The following SRBD1 variants were observed in gnomAD, a reference collection of about 807,000 sequenced individuals.
SRBD1 encodes S1 RNA-binding domain-containing protein 1.
In SRBD1, 88 loss-of-function variants were observed where a neutral mutation model predicts 115.3. That is an observed-to-expected ratio of 0.76 (90% CI 0.64 to 0.91). SRBD1 has a LOEUF of 0.91. Among genes scored for constraint, SRBD1 ranks in the 40% least tolerant of loss-of-function variants. The pLI is 0.00. For synonymous variants in SRBD1, 509 were observed against 407.7 expected, an observed-to-expected ratio of 1.25 and a Z score of -2.99; for missense variants, 1,385 against 1,177.4, an observed-to-expected ratio of 1.18 and a Z score of -2.58.
intron 14 of SRBD1, among the ~76,000 whole-genome samples, chr2:45,527,089 A>G (rs574437390): frequency 6.2e-4 from 94 of 151,972 alleles, no homozygotes; most frequent in African/African-American, 2.1e-3. Flanking sequence ...TTTATTTTTT[A>G]TATCTTCCAT....
At chr2:45,544,232 CAAAA>C (rs777800446) in intron 14 of SRBD1, among the ~76,000 whole-genome samples, 2 of 72,282 alleles carry the variant, frequency 2.8e-5, no homozygotes, top group African/African-American at 5.3e-5. Flanking sequence ...GACTCCGGCT[CAAAA>C]AAAAAAAAAA....
intron 20 of SRBD1, 65 bp downstream of exon 20, chr2:45,392,880 G>C (rs1450728338): frequency 7.1e-7 from 1 of 1,407,166 alleles, no homozygotes; most frequent in Non-Finnish European, 9.6e-7. Context: ...ATTGCTGTGA[G>C]GATCAAAGGA....
chr2:45,456,260 T>G (rs1034571933), intron 16 of SRBD1, among the ~76,000 whole-genome samples: 12 of 151,866 alleles, frequency 7.9e-5, no homozygotes, highest in African/African-American at 2.9e-4. Context: ...AATCAATATA[T>G]TCTATGTTTT....
intron 7 of SRBD1, among the ~76,000 whole-genome samples, chr2:45,577,947 A>G (rs1673230596): frequency 6.6e-6 from 1 of 152,190 alleles, no homozygotes; most frequent in Admixed American, 6.5e-5. Context: ...GTACAGTACT[A>G]CTGTAACTGT....
chr2:45,554,222 C>T (rs1672399681), intron 10 of SRBD1, among the ~76,000 whole-genome samples: 1 of 152,128 alleles, frequency 6.6e-6, no homozygotes, highest in African/African-American at 2.4e-5. Flanking sequence ...TCTTTCTCAA[C>T]CATGTGAGGA....
At chr2:45,412,652 T>C (rs1667637269) in intron 19 of SRBD1, among the ~76,000 whole-genome samples, 1 of 152,172 alleles carries the variant, frequency 6.6e-6, no homozygotes, top group African/African-American at 2.4e-5. Flanking sequence ...CTCAAAAACT[T>C]CCCCCATGTC....
At chr2:45,411,172 AG>A (rs1473919243) in intron 19 of SRBD1, among the ~76,000 whole-genome samples, 1 of 152,172 alleles carries the variant, frequency 6.6e-6, no homozygotes, top group African/African-American at 2.4e-5. Context: ...ACTAAATTAG[AG>A]GACACCCAGG....
chr2:45,416,038 G>C (rs926030038), intron 18 of SRBD1, among the ~76,000 whole-genome samples: 1 of 152,014 alleles, frequency 6.6e-6, no homozygotes, highest in African/African-American at 2.4e-5. Context: ...GGAAAACAAG[G>C]AGAGAAACAG....
At chr2:45,542,069 T>C (rs950227101) in intron 14 of SRBD1, among the ~76,000 whole-genome samples, 2 of 152,202 alleles carry the variant, frequency 1.3e-5, no homozygotes, top group Non-Finnish European at 2.9e-5. Flanking sequence ...CATGCATCCA[T>C]GGTGCATGGG....
intron 14 of SRBD1, among the ~76,000 whole-genome samples, chr2:45,502,934 C>T (rs1324871634): frequency 2.0e-5 from 3 of 152,182 alleles, no homozygotes; most frequent in Admixed American, 1.3e-4. Context: ...ATATTCTTGC[C>T]TTGGCCTGCC....
At chr2:45,462,967 A>C (rs1669365916) in intron 16 of SRBD1, among the ~76,000 whole-genome samples, 1 of 147,692 alleles carries the variant, frequency 6.8e-6, no homozygotes. Context: ...CGAATCCAGG[A>C]TAAGTAACTT....
chr2:45,414,820 T>TATGTACACACACATA (rs1392074881), intron 18 of SRBD1, among the ~76,000 whole-genome samples: 9 of 147,558 alleles, frequency 6.1e-5, no homozygotes, highest in African/African-American at 2.0e-4. Context: ...ACACATATAG[T>TATGTACACACACATA]GTGTATATAG....
intron 14 of SRBD1, among the ~76,000 whole-genome samples, chr2:45,510,762 A>G (rs1670941092): frequency 6.6e-6 from 1 of 152,210 alleles, no homozygotes; most frequent in African/African-American, 2.4e-5. Context: ...CCAATTAGTA[A>G]AGTCGGGCCT....
chr2:45,520,750 A>T (rs561052995), intron 14 of SRBD1, among the ~76,000 whole-genome samples: 1 of 152,200 alleles, frequency 6.6e-6, no homozygotes, highest in Admixed American at 6.5e-5. Context: ...AGAATCAGCC[A>T]CTGTACAGCC....
chr2:45,399,413 T>C (rs1667234120), intron 19 of SRBD1, among the ~76,000 whole-genome samples: 2 of 152,102 alleles, frequency 1.3e-5, no homozygotes, highest in African/African-American at 4.8e-5. Context: ...CAGGACTTTA[T>C]GTGCAGATAA....
chr2:45,546,970 C>T, intron 13 of SRBD1, 131 bp from the exon 14 acceptor site: 1 of 804,990 alleles, frequency 1.2e-6, no homozygotes, highest in Non-Finnish European at 2.0e-6. Flanking sequence ...GCAACCTGTC[C>T]ACTGTTGCAT....
chr2:45,599,413 A>C lies in SRBD1; in HGVS notation c.648+36T>G, dbSNP rs144427422. On this transcript the variant is annotated intron_variant, in intron 4 of 20. Coordinates refer to ENST00000263736, the MANE Select transcript of SRBD1 (RefSeq NM_018079.5). ...TATGCTAGTCAAAAAGAAAGCACTC[A>C]AAACAACTAAAGTGACAGAAAAAGG... The C allele has an allele frequency of 8.9e-4, 1,413 of 1,584,546 alleles. 21 individuals carry two copies. In the East Asian group the frequency reaches 0.027, roughly 31 times the overall value.
intron 9 of SRBD1, among the ~76,000 whole-genome samples, chr2:45,572,668 G>GTAAATATGTAAATA: frequency 6.6e-6 from 1 of 152,126 alleles, no homozygotes; most frequent in South Asian, 2.1e-4. Context: ...AAACGCCAGT[G>GTAAATATGTAAATA]TTACTGTATT....
At chr2:45,546,957 C>A in intron 13 of SRBD1, 118 bp from the exon 14 acceptor site, 1 of 917,082 alleles carries the variant, frequency 1.1e-6, no homozygotes, top group Admixed American at 2.0e-5. Context: ...CTCATATATA[C>A]AAGCAACCTG....
Sources: gnomAD v4.1 joint callset for allele counts (sites outside exome capture counted in the v4.1 genomes callset) on GRCh38, gnomAD v4.1.1 for gene constraint, MANE v1.5 for transcripts, NCBI Gene and HGNC (gene_info 2026-07-23, HGNC 2026-07-21) for gene names.